Variants in GLDC observed in about 807,000 individuals in gnomAD.
GLDC encodes glycine decarboxylase.
In GLDC, 104 loss-of-function variants were observed where a neutral mutation model predicts 121.3. The observed-to-expected ratio is 0.86, with a 90% confidence interval of 0.73 to 1.01. GLDC has a LOEUF of 1.01. GLDC is among the 50% of genes least tolerant of loss of function. The pLI is 0.00. For synonymous variants in GLDC, 546 were observed against 480.6 expected, an observed-to-expected ratio of 1.14 and a Z score of -1.78; for missense variants, 1,429 against 1,306.6, an observed-to-expected ratio of 1.09 and a Z score of -1.44.
chr9:6,645,192 G>C lies in GLDC; in HGVS notation c.255+53C>G, dbSNP rs972588015. 8 of 1,509,160 alleles carry C rather than the reference G, an allele frequency of 5.3e-6. No homozygotes were observed. The South Asian group carries it at 1.0e-4, about 19-fold the overall frequency. 93.5% of individuals were successfully genotyped at this position (1,509,160 alleles called of 1,614,324 possible). A position where few individuals can be genotyped will look rare whatever the true frequency, so the allele number is the denominator to read the frequency against. On this transcript the variant is annotated intron_variant, in intron 1 of 24. Transcript: ENST00000321612. Reference sequence around the variant, plus strand: ...TAGGAGCCGGGAGGCCGCGCAGGCAGAGCCCGGGCAGGGCGGAGGGGAGGC... The same window carrying C: ...TAGGAGCCGGGAGGCCGCGCAGGCACAGCCCGGGCAGGGCGGAGGGGAGGC...
intron 8 of GLDC, among the ~76,000 whole-genome samples, chr9:6,599,016 A>G (rs1333578771): frequency 6.6e-6 from 1 of 151,958 alleles, no homozygotes; most frequent in Non-Finnish European, 1.5e-5. Flanking sequence ...CCCCATCTCT[A>G]CTAAAAATAC....
In GLDC at chr9:6,604,686, A is replaced by C. The variant is rs771868469; in HGVS notation, c.960T>G (p.Phe320Leu). The C allele has an allele frequency of 7.4e-6, 12 of 1,614,020 alleles. No homozygotes were observed. The African/African-American group carries it at 1.5e-4, about 20-fold the overall frequency. The change falls in exon 7 of 25, where the codon TTT becomes TTG. Residue 320 changes from phenylalanine (F) to leucine (L), a missense_variant. Phe to Leu is a conservative substitution (Grantham distance 22). Coordinates refer to ENST00000321612, the MANE Select transcript of GLDC (RefSeq NM_000170.3). ...GTCCCCCATAGCCCAGTGGCACTCCAAATCTCTGGGAGCTGCCCAGGGCGA... is the reference window on the plus strand; with the variant it reads ...GTCCCCCATAGCCCAGTGGCACTCCCAATCTCTGGGAGCTGCCCAGGGCGA... ...VDIALGSSQR[F>L]GVPLGYGGPH...
intron 2 of GLDC, among the ~76,000 whole-genome samples, chr9:6,629,957 A>ATATATATATATATATTTTTT: frequency 1.2e-5 from 1 of 83,102 alleles, no homozygotes; most frequent in Non-Finnish European, 2.1e-5. Context: ...ATATATATAT[A>ATATATATATATATATTTTTT]TTTTTTTTTT....
chr9:6,622,232 A>C (rs901180947), intron 2 of GLDC, among the ~76,000 whole-genome samples: 4 of 151,396 alleles, frequency 2.6e-5, no homozygotes, highest in Non-Finnish European at 5.9e-5. Flanking sequence ...AATTCACAAG[A>C]GATATGGTCC....
intron 22 of GLDC, among the ~76,000 whole-genome samples, chr9:6,537,361 C>T (rs1449259386): frequency 1.3e-5 from 2 of 152,210 alleles, no homozygotes; most frequent in African/African-American, 2.4e-5. Flanking sequence ...CAGGTTGATA[C>T]ACCTCTGAAC....
rs191053099 is a variant in GLDC, at chr9:6,561,371, G to A, written c.1927-2687C>T. 7.6e-3 allele frequency among the ~76,000 whole-genome samples: 1,150 copies of A among 152,236 alleles called. 11 individuals are homozygous for A. The highest frequency in any genetic ancestry group is 0.011 in the Non-Finnish European group (743 of 68,008). On this transcript the variant is annotated intron_variant, in intron 16 of 24. Coordinates refer to ENST00000321612, the MANE Select transcript of GLDC (RefSeq NM_000170.3). ...TCAGTTTAAAATTGTAGTGTTGGCC[G>A]GGCGAGGTTGCTCATGTCTGTAATC...
chr9:6,640,105 CT>C (rs1819598491), intron 2 of GLDC, among the ~76,000 whole-genome samples: 1 of 152,158 alleles, frequency 6.6e-6, no homozygotes, highest in South Asian at 2.1e-4. Flanking sequence ...AAAGGCTTCC[CT>C]TTTTTCCACA....
At chr9:6,603,172 G>A (rs1818653042) in intron 7 of GLDC, among the ~76,000 whole-genome samples, 2 of 151,530 alleles carry the variant, frequency 1.3e-5, no homozygotes, top group African/African-American at 4.9e-5. Context: ...AGGTTGCAGT[G>A]AGCCAAGATC....
rs557703745 is a variant in GLDC, at chr9:6,581,502, G to A, written c.1850+5639C>T. On this transcript the variant is annotated intron_variant, in intron 15 of 24. Transcript: ENST00000321612. ...ACAAGCATACCAGAGGCATAGTGGC[G>A]TCTCTGACAGACAGTTACCAGCATT... Among the ~76,000 whole-genome samples, 19 of 152,318 alleles carry A rather than the reference G, an allele frequency of 1.2e-4. 1 individual carries two copies. The highest frequency in any genetic ancestry group is 1.2e-3 in the South Asian group (6 of 4,816).
At chr9:6,543,892 A>G (rs889449871) in intron 21 of GLDC, among the ~76,000 whole-genome samples, 9 of 148,524 alleles carry the variant, frequency 6.1e-5, no homozygotes, top group Admixed American at 2.0e-4. Context: ...GGAGGACAGG[A>G]GGGGGGGGGA....
At chr9:6,561,760 G>A (rs1817764350) in intron 16 of GLDC, among the ~76,000 whole-genome samples, 1 of 152,166 alleles carries the variant, frequency 6.6e-6, no homozygotes, top group Non-Finnish European at 1.5e-5. Context: ...GCCCATTTAG[G>A]GGGTGCTATG....
intron 20 of GLDC, among the ~76,000 whole-genome samples, chr9:6,551,239 A>AT (rs1186251021): frequency 3.9e-5 from 6 of 152,130 alleles, no homozygotes; most frequent in Admixed American, 6.5e-5. Context: ...GTGTTTTGTG[A>AT]TTTTTTTGTT....
At chr9:6,533,233 T>G in intron 24 of GLDC, 73 bp from the exon 25 acceptor site, 1 of 1,277,662 alleles carries the variant, frequency 7.8e-7, no homozygotes, top group East Asian at 2.3e-5. Context: ...GAGGTGGCAA[T>G]GCTAGTCCCA....
chr9:6,639,276 C>T (rs1326168469), intron 2 of GLDC: 5 of 905,228 alleles, frequency 5.5e-6, no homozygotes, highest in Non-Finnish European at 9.2e-6. Flanking sequence ...CATCACCCAC[C>T]TTCCGGCGGT....
At chr9:6,606,763 C>A in intron 4 of GLDC, 94 bp from the exon 5 acceptor site, 1 of 820,358 alleles carries the variant, frequency 1.2e-6, no homozygotes, top group South Asian at 1.3e-5. Context: ...GAGGGTAAGT[C>A]TAAGCACAGT....
intron 2 of GLDC, among the ~76,000 whole-genome samples, chr9:6,624,216 C>G (rs1019519455): frequency 1.3e-5 from 2 of 152,058 alleles, no homozygotes; most frequent in Admixed American, 1.3e-4. Context: ...AATTGTGTTC[C>G]CAAAAATGAT....
At chr9:6,553,854 G>C (rs1220789024) in intron 19 of GLDC, among the ~76,000 whole-genome samples, 1 of 152,084 alleles carries the variant, frequency 6.6e-6, no homozygotes, top group Non-Finnish European at 1.5e-5. Context: ...GACATAGGAG[G>C]GGCTGATGAG....
At chr9:6,623,040 G>C (rs1819148497) in intron 2 of GLDC, 1 of 178,228 alleles carries the variant, frequency 5.6e-6, no homozygotes. Context: ...GGGAGGTGAG[G>C]GGCGCCTCTG....
chr9:6,619,118 G>C (rs1477557354), intron 3 of GLDC, among the ~76,000 whole-genome samples: 2 of 132,800 alleles, frequency 1.5e-5, no homozygotes, highest in South Asian at 2.4e-4. Flanking sequence ...ACTCCAGCCT[G>C]GGCAACAGAG....
Sources: allele counts gnomAD v4.1 joint callset (sites outside exome capture counted in the v4.1 genomes callset), GRCh38; gene constraint gnomAD v4.1.1; transcripts MANE v1.5; gene names NCBI Gene and HGNC (gene_info 2026-07-23, HGNC 2026-07-21).